The following RBM47 variants were observed in gnomAD, a reference collection of about 807,000 sequenced individuals.
RBM47 encodes the protein RNA binding motif protein 47, also known as RNA-binding protein 47.
RBM47 carries 21 observed loss-of-function variants against 47.1 expected under a neutral mutation model. The ratio of observed to expected loss-of-function variants is 0.45; its 90% confidence interval spans 0.32 to 0.64. RBM47 has a LOEUF of 0.64. Among genes scored for constraint, RBM47 ranks in the 30% least tolerant of loss-of-function variants. The pLI is 0.05. For synonymous variants in RBM47, 375 were observed against 361.7 expected, an observed-to-expected ratio of 1.04 and a Z score of -0.42; for missense variants, 708 against 870.9, an observed-to-expected ratio of 0.81 and a Z score of 2.35.
chr4:40,488,331 A>C (rs1175341248), intron 2 of RBM47, among the ~76,000 whole-genome samples: 1 of 140,432 alleles, frequency 7.1e-6, no homozygotes, highest in African/African-American at 2.6e-5. Context: ...CTCTGTCTCA[A>C]AAGAAAAAAA....
At chr4:40,569,780 G>A (rs753029007) in intron 1 of RBM47, among the ~76,000 whole-genome samples, 10 of 146,858 alleles carry the variant, frequency 6.8e-5, no homozygotes, top group South Asian at 2.2e-4. Context: ...CCGCAATCTC[G>A]GCTCACTGCA....
intron 3 of RBM47, among the ~76,000 whole-genome samples, chr4:40,463,802 T>TA (rs1717537662): frequency 1.3e-5 from 2 of 151,992 alleles, no homozygotes; most frequent in South Asian, 4.2e-4. Context: ...ACCTAAATAT[T>TA]TTTTGAGTAT....
Position 40,525,418 on chromosome 4 carries a change from CACAA to C in RBM47, c.-155+19000_-155+19003del, listed in dbSNP as rs1467606968. Reference sequence around the variant, plus strand: ...GTTGCAGATCACAGAGTGAGACTGTCACAAACAAAGTGATAAACATAAAAAAAGA... The same window carrying C: ...GTTGCAGATCACAGAGTGAGACTGTCACAAAGTGATAAACATAAAAAAAGA... On this transcript the variant is annotated intron_variant, in intron 2 of 6. Coordinates refer to ENST00000295971, the MANE Select transcript of RBM47 (RefSeq NM_001098634.2). Among the ~76,000 whole-genome samples the C allele has an allele frequency of 5.9e-5, 9 of 152,210 alleles. No individual in the cohort carries two copies. In the East Asian group the frequency reaches 1.2e-3, roughly 20 times the overall value.
chr4:40,526,814 T>G (rs1471238021), intron 2 of RBM47, among the ~76,000 whole-genome samples: 1 of 118,488 alleles, frequency 8.4e-6, no homozygotes, highest in African/African-American at 3.3e-5. Flanking sequence ...TTTTTTTTTT[T>G]TTTGCAACCT....
At chr4:40,430,092 G>C (rs1715709621) in intron 6 of RBM47, among the ~76,000 whole-genome samples, 2 of 152,124 alleles carry the variant, frequency 1.3e-5, no homozygotes, top group African/African-American at 4.8e-5. Flanking sequence ...CTACTCAGGA[G>C]GCTGAGGCCG....
intron 1 of RBM47, among the ~76,000 whole-genome samples, chr4:40,592,234 TATC>T (rs1334686520): frequency 1.3e-5 from 2 of 151,740 alleles, no homozygotes; most frequent in Non-Finnish European, 2.9e-5. Context: ...CACCACCTGG[TATC>T]ACATTTACTT....
At chr4:40,556,097 G>A (rs1157019741) in intron 1 of RBM47, among the ~76,000 whole-genome samples, 6 of 150,950 alleles carry the variant, frequency 4.0e-5, no homozygotes, top group South Asian at 2.1e-4. Context: ...GTGCGGTGGC[G>A]TGATCTTGGC....
intron 2 of RBM47, among the ~76,000 whole-genome samples, chr4:40,516,751 T>G (rs75137066): frequency 0.024 from 3,620 of 152,292 alleles, 56 homozygotes; most frequent in Non-Finnish European, 0.039. Flanking sequence ...AGGATTTCCC[T>G]TAAGCCACTG....
chr4:40,506,610 C>T (rs1251169009), intron 2 of RBM47, among the ~76,000 whole-genome samples: 1 of 152,194 alleles, frequency 6.6e-6, no homozygotes, highest in Non-Finnish European at 1.5e-5. Context: ...TGAGGTCAAC[C>T]TTGTGGCAAT....
rs140235661 is a variant in RBM47 at position 40,585,439 on chromosome 4, C to T, written c.-239-40933G>A. 5.7e-3 allele frequency among the ~76,000 whole-genome samples: 868 copies of T among 152,278 alleles called. 11 individuals carry two copies. Among genetic ancestry groups the T allele is most frequent in the African/African-American group, 0.02 (825 of 41,542 alleles). On this transcript the variant is annotated intron_variant, in intron 1 of 6. Coordinates refer to ENST00000295971, the MANE Select transcript of RBM47 (RefSeq NM_001098634.2). ...TAGAGGTAAGAAAGCAACAAAATCG[C>T]CCCATAAATATTCCTAATTGTTTCA... is the stretch of plus-strand genomic sequence containing the variant.
At chr4:40,537,690 C>A (rs776309943) in intron 2 of RBM47, among the ~76,000 whole-genome samples, 5 of 152,126 alleles carry the variant, frequency 3.3e-5, no homozygotes, top group Non-Finnish European at 7.3e-5. Context: ...ACCATTTTTC[C>A]AAATATCTGT....
intron 2 of RBM47, among the ~76,000 whole-genome samples, chr4:40,500,566 G>A (rs375023014): frequency 5.3e-5 from 8 of 151,936 alleles, no homozygotes; most frequent in East Asian, 1.9e-4. Flanking sequence ...AGCCATGACT[G>A]TGCCTGGGTG....
rs56334700 is a variant in RBM47, at chr4:40,423,652, T to TTTTCTTTCTTTC, written c.*2240_*2251dup. 4.6e-4 allele frequency: 60 copies of TTTTCTTTCTTTC among 129,160 alleles called. No individual in the cohort carries two copies. Among genetic ancestry groups the TTTTCTTTCTTTC allele is most frequent in the Non-Finnish European group, 5.7e-4 (35 of 61,352 alleles). 8.0% of individuals were successfully genotyped at this position (129,160 alleles called of 1,614,324 possible). On this transcript the variant is annotated 3_prime_UTR_variant, in exon 7 of 7. Coordinates refer to ENST00000295971, the MANE Select transcript of RBM47 (RefSeq NM_001098634.2). ...TCATTTTTTTTTATTCTTTCTTTCT[T>TTTTCTTTCTTTC]TTTCTTTCTTTCTTTCTTTCTTTCT... is the stretch of plus-strand genomic sequence containing the variant.
chr4:40,491,607 A>G (rs947868309), intron 2 of RBM47: 2 of 153,626 alleles, frequency 1.3e-5, no homozygotes, highest in African/African-American at 4.8e-5. Context: ...TGTATCTAGA[A>G]TATATAAAGA....
At chr4:40,453,157 A>G (rs974943325) in intron 3 of RBM47, among the ~76,000 whole-genome samples, 4 of 152,088 alleles carry the variant, frequency 2.6e-5, no homozygotes, top group Admixed American at 1.3e-4. Context: ...TCTTAATAAC[A>G]TAATTAATAG....
chr4:40,438,435 G>A lies in RBM47; in HGVS notation c.459C>T (p.Leu153=), dbSNP rs755569411. The change falls in exon 4 of 7, where the codon CTC becomes CTT. Residue 153 remains leucine, a synonymous_variant. Transcript: ENST00000295971. ...TCATCTTGGGGATCCCGCCGATGAA[G>A]AGGCGGCAGTTGTCCACGCTGCAGC... ...GVCCSVDNCR[L]FIGGIPKMKK... 1.9e-6 allele frequency: 3 copies of A among 1,613,542 alleles called. No homozygotes were observed. Among genetic ancestry groups the A allele is most frequent in the South Asian group, 2.2e-5 (2 of 91,096 alleles).
intron 2 of RBM47, among the ~76,000 whole-genome samples, chr4:40,523,330 TC>T (rs1726384009): frequency 6.6e-6 from 1 of 151,390 alleles, no homozygotes; most frequent in South Asian, 2.1e-4. Context: ...ATCCCAGCCC[TC>T]CTGGCTTGGG....
At chr4:40,606,504 C>G (rs1343805344) in intron 1 of RBM47, among the ~76,000 whole-genome samples, 1 of 152,206 alleles carries the variant, frequency 6.6e-6, no homozygotes, top group African/African-American at 2.4e-5. Context: ...CTCCTGCACC[C>G]TCTTTGCCCT....
chr4:40,509,821 T>G (rs1168184084), intron 2 of RBM47, among the ~76,000 whole-genome samples: 1 of 151,586 alleles, frequency 6.6e-6, no homozygotes, highest in African/African-American at 2.4e-5. Flanking sequence ...AGGCGGAGCT[T>G]GCAGTGAGCG....
Sources: allele counts gnomAD v4.1 joint callset (sites outside exome capture counted in the v4.1 genomes callset), GRCh38; gene constraint gnomAD v4.1.1; transcripts MANE v1.5; gene names NCBI Gene and HGNC (gene_info 2026-07-23, HGNC 2026-07-21).